CACNA1C: variants seen among roughly 807,000 people sequenced by gnomAD.
CACNA1C encodes calcium voltage-gated channel subunit alpha1 C, also known as voltage-dependent L-type calcium channel subunit alpha-1C.
Under a neutral mutation model 229.0 loss-of-function variants are expected in CACNA1C, and 30 were observed. The ratio of observed to expected loss-of-function variants is 0.13; its 90% CI spans 0.10 to 0.18. The LOEUF (loss-of-function observed/expected upper bound fraction) is 0.18, where lower values mean the gene tolerates loss of function less well. CACNA1C is among the 10% of genes least tolerant of loss of function. CACNA1C has a pLI of 1.00. For synonymous variants in CACNA1C, 1,114 were observed against 1,132.5 expected (o/e 0.98, Z 0.33); for missense variants, 1,658 against 2,845.0 (o/e 0.58, Z 9.49).
chr12:2,249,475 A>G (rs1327544146), intron 3 of CACNA1C, among the ~76,000 whole-genome samples: 1 of 152,178 alleles, frequency 6.6e-6, no homozygotes, highest in Non-Finnish European at 1.5e-5. Context: ...CTGACCCTTT[A>G]CAGAAAAAGT....
chr12:2,523,702 G>A (rs1333624650), intron 9 of CACNA1C, among the ~76,000 whole-genome samples: 1 of 152,194 alleles, frequency 6.6e-6, no homozygotes, highest in African/African-American at 2.4e-5. Flanking sequence ...TAGGCACTCA[G>A]TAAAGAGCTG....
At chr12:2,072,898 A>G (rs2061865471) in intron 1 of CACNA1C, among the ~76,000 whole-genome samples, 1 of 152,186 alleles carries the variant, frequency 6.6e-6, no homozygotes, top group Non-Finnish European at 1.5e-5. Context: ...GGCAGAGGGC[A>G]TAAACAAGCA....
Position 1,972,418 on chromosome 12 carries a change from G to A in CACNA1C, c.139+1217G>A, listed in dbSNP as rs532382437. 8.5e-4 allele frequency among the ~76,000 whole-genome samples: 130 copies of A among 152,168 alleles called. 1 individual carries two copies. Among genetic ancestry groups the A allele is most frequent in the African/African-American group, 2.9e-3 (119 of 41,524 alleles). ...AATCTGACCACATTGATGATGACTC[G>A]TTACTAGCATATGGTAGTACACATG... is the stretch of plus-strand genomic sequence containing the variant. On this transcript the variant is annotated intron_variant, in intron 1 of 46. Coordinates refer to the CACNA1C transcript ENST00000682462.
At chr12:2,576,291 T>C (rs978079387) in intron 13 of CACNA1C, among the ~76,000 whole-genome samples, 2 of 152,106 alleles carry the variant, frequency 1.3e-5, no homozygotes, top group African/African-American at 4.8e-5. Flanking sequence ...TTGATGCCAA[T>C]GATGGCGACG....
chr12:2,290,825 T>G (rs1162159367), intron 3 of CACNA1C, among the ~76,000 whole-genome samples: 1 of 152,196 alleles, frequency 6.6e-6, no homozygotes, highest in Non-Finnish European at 1.5e-5. Context: ...TGAGACGTGT[T>G]CCAGGAATGG....
At position 2,183,871 on chromosome 12, in the gene CACNA1C, A is replaced by G. The variant is rs1056882732; in HGVS notation, c.477+63441A>G. Among the ~76,000 whole-genome samples, 3 of 152,274 alleles carry G rather than the reference A, an allele frequency of 2.0e-5. No homozygotes were observed. In the South Asian group the frequency reaches 6.2e-4, roughly 31 times the overall value. Reference sequence around the variant, plus strand: ...GTTCTTAAGATACTTAGTTGTCACCAGCCTGAAAAGTCAGCGTGGAAAATG... The same window carrying G: ...GTTCTTAAGATACTTAGTTGTCACCGGCCTGAAAAGTCAGCGTGGAAAATG... On this transcript the variant is annotated intron_variant, in intron 3 of 46. Coordinates refer to ENST00000399655, the MANE Select transcript of CACNA1C (RefSeq NM_000719.7).
At chr12:2,417,446 G>A (rs1445957374) in intron 3 of CACNA1C, among the ~76,000 whole-genome samples, 1 of 152,118 alleles carries the variant, frequency 6.6e-6, no homozygotes, top group African/African-American at 2.4e-5. Context: ...GCCCTTCCCT[G>A]GCCGCTGTTT....
chr12:2,545,554 G>A (rs564157542), intron 9 of CACNA1C, among the ~76,000 whole-genome samples: 93 of 152,132 alleles, frequency 6.1e-4, no homozygotes, highest in African/African-American at 2.1e-3. Context: ...GACCCAAATC[G>A]CTCGAATTTG....
chr12:2,613,362 G>A (rs1028696647), intron 29 of CACNA1C: 2 of 152,282 alleles, frequency 1.3e-5, no homozygotes, highest in African/African-American at 4.8e-5. Context: ...CTGGAATCCG[G>A]CACCTCTGAC....
chr12:2,681,380 A>G (rs749158255), intron 42 of CACNA1C, among the ~76,000 whole-genome samples: 3 of 152,216 alleles, frequency 2.0e-5, no homozygotes, highest in Non-Finnish European at 2.9e-5. Flanking sequence ...CAGATGGTAC[A>G]AACAACACAC....
intron 3 of CACNA1C, among the ~76,000 whole-genome samples, chr12:2,175,262 TAA>T (rs532364398): frequency 7.0e-4 from 106 of 152,356 alleles, no homozygotes; most frequent in Non-Finnish European, 7.5e-4. Flanking sequence ...AGGATTCTAA[TAA>T]AGTCTACACA....
intron 12 of CACNA1C, 145 bp from the exon 13 acceptor site, chr12:2,567,424 A>C (rs897971840): frequency 3.3e-6 from 2 of 604,378 alleles, no homozygotes; most frequent in Non-Finnish European, 5.8e-6. Context: ...CTTGGCCCCA[A>C]CTTCTGTTCT....
chr12:2,229,069 G>T (rs2154359442), intron 3 of CACNA1C, among the ~76,000 whole-genome samples: 1 of 152,244 alleles, frequency 6.6e-6, no homozygotes, highest in South Asian at 2.1e-4. Flanking sequence ...AGTTCTTAGG[G>T]GTGTGAGAAC....
At chr12:2,268,612 G>C (rs955924061) in intron 3 of CACNA1C, among the ~76,000 whole-genome samples, 4 of 152,148 alleles carry the variant, frequency 2.6e-5, no homozygotes, top group African/African-American at 4.8e-5. Flanking sequence ...TGGTGTCCTG[G>C]GGGGAGGGTT....
At chr12:2,384,574 T>C (rs2098334633) in intron 3 of CACNA1C, among the ~76,000 whole-genome samples, 1 of 152,208 alleles carries the variant, frequency 6.6e-6, no homozygotes, top group Non-Finnish European at 1.5e-5. Flanking sequence ...TCTCCGTTTG[T>C]GTACATGCCC....
intron 1 of CACNA1C, among the ~76,000 whole-genome samples, chr12:2,085,342 T>C (rs1393021193): frequency 2.0e-5 from 3 of 152,236 alleles, no homozygotes; most frequent in African/African-American, 7.2e-5. Flanking sequence ...AAATTTACCT[T>C]TTCAGCCCAG....
chr12:2,657,795 G>T (rs1271783002), intron 34 of CACNA1C, among the ~76,000 whole-genome samples: 2 of 152,160 alleles, frequency 1.3e-5, no homozygotes, highest in Non-Finnish European at 2.9e-5. Flanking sequence ...CGAATACCAT[G>T]TAAGGCTCAC....
intron 7 of CACNA1C, among the ~76,000 whole-genome samples, chr12:2,500,413 C>T (rs777713743): frequency 9.2e-5 from 14 of 152,212 alleles, no homozygotes; most frequent in Non-Finnish European, 1.9e-4. Flanking sequence ...TTTGTGTGGC[C>T]TCCAAGGCTG....
In CACNA1C at chr12:2,054,221, G is replaced by A. The variant is rs1351643288; in HGVS notation, c.49+610G>A. Among the ~76,000 whole-genome samples, 1 of 151,996 alleles carries A rather than the reference G, an allele frequency of 6.6e-6. No individual in the cohort carries two copies. The highest frequency in any genetic ancestry group is 2.4e-5 in the African/African-American group (1 of 41,426). The stretch of plus-strand genomic sequence containing the variant: ...AGCGCGCCCCTCTGGTTCCCCCTCT[G>A]TAGGTCCCCTTCTTCCTCTCTCCCT... On this transcript the variant is annotated intron_variant, in intron 1 of 46. Transcript: ENST00000399655. The surrounding 1 kb of genome is among the most constrained non-coding windows in gnomAD (Gnocchi z 5.5).
Sources: allele counts gnomAD v4.1 joint callset (sites outside exome capture counted in the v4.1 genomes callset), GRCh38; gene constraint gnomAD v4.1.1; non-coding constraint Gnocchi (gnomAD v3.1); transcripts MANE v1.5; gene names NCBI Gene and HGNC (gene_info 2026-07-23, HGNC 2026-07-21).